The following LPCAT2 variants were observed in gnomAD, a reference collection of about 807,000 sequenced individuals.
The protein encoded by LPCAT2 is 1-AGP acyltransferase 11.
Under a neutral mutation model 64.7 loss-of-function variants are expected in LPCAT2, and 58 were observed. That is an observed-to-expected ratio of 0.90 (90% CI 0.73 to 1.12). The LOEUF is 1.12. Among genes scored for constraint, LPCAT2 ranks in the 50% most tolerant of loss-of-function variants. LPCAT2 has a pLI of 0.00. For synonymous variants in LPCAT2, 252 were observed against 245.3 expected (o/e 1.03, Z -0.26); for missense variants, 579 against 669.8 (o/e 0.86, Z 1.50).
At chr16:55,560,690 C>G (rs932855828) in intron 11 of LPCAT2, among the ~76,000 whole-genome samples, 22 of 151,972 alleles carry the variant, frequency 1.4e-4, no homozygotes, top group African/African-American at 5.3e-4. Flanking sequence ...CAGAAGATTG[C>G]CAGCTCAAGA....
chr16:55,568,831 C>A (rs1340212990), intron 11 of LPCAT2, among the ~76,000 whole-genome samples: 2 of 152,134 alleles, frequency 1.3e-5, no homozygotes, highest in African/African-American at 4.8e-5. Flanking sequence ...GCCTTTCTTG[C>A]GTACAGACCT....
At chr16:55,529,247 G>A (rs1006589064) in intron 3 of LPCAT2, among the ~76,000 whole-genome samples, 1 of 152,108 alleles carries the variant, frequency 6.6e-6, no homozygotes, top group Non-Finnish European at 1.5e-5. Context: ...CCCTGATGTT[G>A]CCTCAGTGCT....
chr16:55,522,710 C>G (rs1963114506), intron 1 of LPCAT2, among the ~76,000 whole-genome samples: 1 of 151,564 alleles, frequency 6.6e-6, no homozygotes, highest in Non-Finnish European at 1.5e-5. Flanking sequence ...CAAGAAAATT[C>G]ATTGAGAAAT....
At chr16:55,541,141 C>G (rs138475216) in intron 8 of LPCAT2, 46 of 152,136 alleles carry the variant, frequency 3.0e-4, no homozygotes, top group African/African-American at 1.1e-3. Context: ...TAACTGAAAC[C>G]ACGGAAAGCA....
chr16:55,566,779 T>C (rs781569523), intron 11 of LPCAT2: 1 of 1,613,152 alleles, frequency 6.2e-7, no homozygotes, highest in South Asian at 1.1e-5. Context: ...AAGGCTCTAT[T>C]GGAAGGAGCA....
intron 11 of LPCAT2, among the ~76,000 whole-genome samples, chr16:55,572,243 A>G (rs1963778156): frequency 6.6e-6 from 1 of 152,186 alleles, no homozygotes; most frequent in Non-Finnish European, 1.5e-5. Flanking sequence ...GCTTCCTGAC[A>G]AGTGTTACAC....
At chr16:55,566,506 A>C (rs2142412660) in intron 11 of LPCAT2, among the ~76,000 whole-genome samples, 2 of 152,292 alleles carry the variant, frequency 1.3e-5, no homozygotes, top group South Asian at 4.1e-4. Flanking sequence ...TGTCCTACAT[A>C]CTATAATTTA....
At position 55,509,991 on chromosome 16, in the gene LPCAT2, C is replaced by CTTTTTTTTTTTTTTTTTTTT. The variant is rs57496150; in HGVS notation, c.171+656_171+657insTTTTTTTTTTTTTTTTTTTT. Among the ~76,000 whole-genome samples, 11 of 102,540 alleles carry CTTTTTTTTTTTTTTTTTTTT rather than the reference C, an allele frequency of 1.1e-4. 1 individual carries two copies. Among genetic ancestry groups the CTTTTTTTTTTTTTTTTTTTT allele is most frequent in the Admixed American group, 2.4e-4 (2 of 8,374 alleles). The allele number at this position is 102,540 out of a possible 152,430, so 67.3% of individuals were successfully genotyped here. The stretch of plus-strand genomic sequence containing the variant: ...TACGGGAGAGTAGATTTGAAGAAGT[C>CTTTTTTTTTTTTTTTTTTTT]TTTTTTTTTTTTTTTTTGCCTTAGG... On this transcript the variant is annotated intron_variant, in intron 1 of 13. Transcript: ENST00000262134.
At chr16:55,534,272 G>A (rs1222751436) in intron 6 of LPCAT2, among the ~76,000 whole-genome samples, 171 bp from the exon 7 acceptor site, 2 of 152,134 alleles carry the variant, frequency 1.3e-5, no homozygotes, top group Middle Eastern at 3.4e-3. Flanking sequence ...TGTAATCCAA[G>A]AATTCATAGA....
chr16:55,509,312 T>A lies in LPCAT2; in HGVS notation c.131T>A (p.Phe44Tyr). ...SFFPPPVPNP[F>Y]VQQTQIGSAR... ...TTCCCGCCGCCGGTGCCGAACCCCTTCGTGCAGCAGACGCAGATCGGCTCC... is the reference window on the plus strand; with the variant it reads ...TTCCCGCCGCCGGTGCCGAACCCCTACGTGCAGCAGACGCAGATCGGCTCC... Residue 44 changes from phenylalanine (F) to tyrosine (Y), a missense_variant, in exon 1 of 14, where the codon TTC becomes TAC. Coordinates refer to ENST00000262134, the MANE Select transcript of LPCAT2 (RefSeq NM_017839.5). 6.7e-7 allele frequency: 1 copy of A among 1,500,654 alleles called. No homozygotes were observed. The highest frequency in any genetic ancestry group is 9.0e-7 in the Non-Finnish European group (1 of 1,116,118). 93.0% of individuals were successfully genotyped at this position (1,500,654 alleles called of 1,614,324 possible).
In LPCAT2 at chr16:55,567,859, G is replaced by A. The variant is rs1314837990; in HGVS notation, c.1216-6772G>A. Among the ~76,000 whole-genome samples, 4 of 152,142 alleles carry A rather than the reference G, an allele frequency of 2.6e-5. No homozygotes were observed. The East Asian group carries it at 5.8e-4, about 22-fold the overall frequency. ...GAACTTTATTATTGTTGTTATTGTT[G>A]TTAAGAATGAATTTTTTTAATCCTA... On this transcript the variant is annotated intron_variant, in intron 11 of 13. Coordinates refer to ENST00000262134, the MANE Select transcript of LPCAT2 (RefSeq NM_017839.5).
Position 55,579,214 on chromosome 16 carries a change from G to A in LPCAT2, c.1420G>A (p.Glu474Lys). ...CCTTGATGTTTCTGGTCTCTTCAAG[G>A]AAATAGCCCAAGGGGACTCAATTTC... ...PDLDVSGLFK[E>K]IAQGDSISYE... Residue 474 changes from glutamate to lysine, a missense_variant, in exon 13 of 14, where the codon GAA becomes AAA. Coordinates refer to ENST00000262134, the MANE Select transcript of LPCAT2 (RefSeq NM_017839.5). 1 of 1,613,360 alleles carries A rather than the reference G, an allele frequency of 6.2e-7. No individual in the cohort carries two copies. The highest frequency in any genetic ancestry group is 8.5e-7 in the Non-Finnish European group (1 of 1,179,588).
chr16:55,526,749 A>T (rs1963175854), intron 2 of LPCAT2, among the ~76,000 whole-genome samples: 1 of 152,184 alleles, frequency 6.6e-6, no homozygotes, highest in Admixed American at 6.5e-5. Flanking sequence ...TCGGTGGCTT[A>T]TGAAAACCTA....
intron 11 of LPCAT2, among the ~76,000 whole-genome samples, chr16:55,553,457 C>T (rs1963541044): frequency 6.6e-6 from 1 of 152,188 alleles, no homozygotes; most frequent in South Asian, 2.1e-4. Context: ...CTTTGCTCAT[C>T]TATGAGAAGC....
At position 55,530,771 on chromosome 16, in the gene LPCAT2, A is replaced by G. The variant is rs75334910; in HGVS notation, c.642+824A>G. On this transcript the variant is annotated intron_variant, in intron 4 of 13. Coordinates refer to ENST00000262134, the MANE Select transcript of LPCAT2 (RefSeq NM_017839.5). Reference sequence around the variant, plus strand: ...ATTTTTCTCTGTGGATCCAAAGACTATATCTAGGACTGGTAGATGGGAGAT... The same window carrying G: ...ATTTTTCTCTGTGGATCCAAAGACTGTATCTAGGACTGGTAGATGGGAGAT... 3.5e-4 allele frequency among the ~76,000 whole-genome samples: 53 copies of G among 152,236 alleles called. 1 individual carries two copies. Among genetic ancestry groups the G allele is most frequent in the African/African-American group, 1.3e-3 (52 of 41,572 alleles).
chr16:55,519,758 CTGAAAGAGTGG>C, intron 1 of LPCAT2, among the ~76,000 whole-genome samples: 1 of 152,000 alleles, frequency 6.6e-6, no homozygotes, highest in East Asian at 1.9e-4. Flanking sequence ...CATAACAATA[CTGAAAGAGTGG>C]TGGATGGGAT....
chr16:55,567,047 CACTGA>C, intron 11 of LPCAT2: 1 of 1,613,820 alleles, frequency 6.2e-7, no homozygotes, highest in Non-Finnish European at 8.5e-7. Flanking sequence ...AGGTGGGTGC[CACTGA>C]TCTGATGAAT....
chr16:55,569,415 T>C (rs933668340), intron 11 of LPCAT2, among the ~76,000 whole-genome samples: 4 of 152,186 alleles, frequency 2.6e-5, no homozygotes, highest in Admixed American at 2.6e-4. Context: ...AGTCCAGGAA[T>C]ATGTTAGGCA....
intron 8 of LPCAT2, among the ~76,000 whole-genome samples, chr16:55,542,277 T>A (rs982202939): frequency 1.3e-5 from 2 of 152,184 alleles, no homozygotes; most frequent in South Asian, 2.1e-4. Context: ...TGTCGCTTAG[T>A]CTCCTCCTCA....
Sources: gnomAD v4.1 joint callset for allele counts (sites outside exome capture counted in the v4.1 genomes callset) on GRCh38, gnomAD v4.1.1 for gene constraint, MANE v1.5 for transcripts, NCBI Gene and HGNC (gene_info 2026-07-23, HGNC 2026-07-21) for gene names.